The following ERGIC1 variants were observed in gnomAD, a reference collection of about 807,000 sequenced individuals.
The protein encoded by ERGIC1 is endoplasmic reticulum-golgi intermediate compartment 1.
ERGIC1 carries 19 observed loss-of-function variants against 38.3 expected under a neutral mutation model. The ratio of observed to expected loss-of-function variants is 0.50; its 90% CI spans 0.35 to 0.73. The LOEUF is 0.73. Among genes scored for constraint, ERGIC1 ranks in the 30% least tolerant of loss-of-function variants. ERGIC1 has a pLI of 0.01. For missense variants in ERGIC1, 294 were observed against 389.2 expected (o/e 0.76, Z 2.06); for synonymous variants, 124 against 157.6 (o/e 0.79, Z 1.60).
intron 1 of ERGIC1, among the ~76,000 whole-genome samples, chr5:172,875,023 A>G (rs1359957048): frequency 6.6e-6 from 1 of 152,162 alleles, no homozygotes; most frequent in East Asian, 1.9e-4. Context: ...AGCAAGCCAT[A>G]CAGAGATGCA....
intron 6 of ERGIC1, among the ~76,000 whole-genome samples, chr5:172,924,499 T>C (rs1035594347): frequency 6.6e-6 from 1 of 151,976 alleles, no homozygotes; most frequent in East Asian, 1.9e-4. Context: ...AGGTGGGGTG[T>C]GTGGGGTGCG....
chr5:172,879,657 C>T (rs557554030), intron 1 of ERGIC1, among the ~76,000 whole-genome samples: 1 of 152,328 alleles, frequency 6.6e-6, no homozygotes, highest in East Asian at 1.9e-4. Context: ...TCTTGGTCTC[C>T]ATGGAGGCCA....
chr5:172,942,992 G>A (rs534354011), intron 9 of ERGIC1, among the ~76,000 whole-genome samples: 5 of 152,306 alleles, frequency 3.3e-5, no homozygotes, highest in Admixed American at 3.3e-4. Context: ...GGGAATGAGG[G>A]CAGGTGGGCT....
At position 172,903,247 on chromosome 5, in the gene ERGIC1, C is replaced by T. The variant is rs576966981; in HGVS notation, c.155+6173C>T. ...GGAGCCCTCGTCCTGGGGGTGTTGA[C>T]GGGAGTGGGAGAGGCTTGTGGGACA... On this transcript the variant is annotated intron_variant, in intron 3 of 9. Transcript: ENST00000393784. Among the ~76,000 whole-genome samples the T allele has an allele frequency of 4.6e-5, 7 of 152,240 alleles. No individual in the cohort carries two copies. In the South Asian group the frequency reaches 6.2e-4, roughly 14 times the overall value.
chr5:172,919,157 A>G (rs937178785), intron 5 of ERGIC1, among the ~76,000 whole-genome samples: 6 of 152,104 alleles, frequency 3.9e-5, no homozygotes, highest in Admixed American at 1.3e-4. Flanking sequence ...GGTAAACAGG[A>G]AATATGTGAT....
chr5:172,873,183 A>G (rs949995227), intron 1 of ERGIC1, among the ~76,000 whole-genome samples: 18 of 152,294 alleles, frequency 1.2e-4, no homozygotes, highest in African/African-American at 3.8e-4. Flanking sequence ...CTAAGAATAC[A>G]TTTCCATTTA....
chr5:172,887,014 G>A (rs75395395), intron 1 of ERGIC1, among the ~76,000 whole-genome samples: 2 of 152,154 alleles, frequency 1.3e-5, no homozygotes, highest in Non-Finnish European at 2.9e-5. Context: ...CTAAGCAGGC[G>A]GCAGAGAAAG....
At position 172,879,519 on chromosome 5, in the gene ERGIC1, T is replaced by A. The variant is rs533071470; in HGVS notation, c.21-9180T>A. Reference sequence around the variant, plus strand: ...GTACTTACCACGCCCTTACAGTAAGTCACAAAGTAAATTCAGACGGACTTC... The same window carrying A: ...GTACTTACCACGCCCTTACAGTAAGACACAAAGTAAATTCAGACGGACTTC... On this transcript the variant is annotated intron_variant, in intron 1 of 9. Transcript: ENST00000393784. Among the ~76,000 whole-genome samples the A allele has an allele frequency of 5.3e-5, 8 of 152,352 alleles. No individual in the cohort carries two copies. The South Asian group carries it at 1.2e-3, about 24-fold the overall frequency.
At chr5:172,841,438 T>C (rs1338031039) in intron 1 of ERGIC1, among the ~76,000 whole-genome samples, 1 of 152,214 alleles carries the variant, frequency 6.6e-6, no homozygotes, top group Non-Finnish European at 1.5e-5. Flanking sequence ...CCTCATGCCC[T>C]TGACAATTAG....
chr5:172,889,988 A>G (rs1762517729), intron 2 of ERGIC1, among the ~76,000 whole-genome samples: 1 of 152,202 alleles, frequency 6.6e-6, no homozygotes. Context: ...GTGGAGTTTA[A>G]TTCCCCTCTC....
At chr5:172,911,882 C>G (rs1250783957) in intron 4 of ERGIC1, among the ~76,000 whole-genome samples, 1 of 152,080 alleles carries the variant, frequency 6.6e-6, no homozygotes. Flanking sequence ...TCCCCTGTCC[C>G]CCTTCTTGTC....
chr5:172,897,877 G>T, intron 3 of ERGIC1: 1 of 413,950 alleles, frequency 2.4e-6, no homozygotes. Flanking sequence ...TCCTGGCAGT[G>T]GCTGACGCAG....
chr5:172,894,201 T>TC (rs1762664229), intron 2 of ERGIC1, among the ~76,000 whole-genome samples: 1 of 135,460 alleles, frequency 7.4e-6, no homozygotes, highest in African/African-American at 2.7e-5. Flanking sequence ...TTTTCTTTTT[T>TC]TTTTTTTTTT....
intron 1 of ERGIC1, among the ~76,000 whole-genome samples, chr5:172,888,086 T>C (rs909791762): frequency 1.3e-5 from 2 of 152,192 alleles, no homozygotes; most frequent in Non-Finnish European, 2.9e-5. Context: ...AGGCCCATGC[T>C]AGGGTTTGGG....
At chr5:172,884,211 C>T (rs1052135413) in intron 1 of ERGIC1, among the ~76,000 whole-genome samples, 2 of 144,434 alleles carry the variant, frequency 1.4e-5, no homozygotes, top group Non-Finnish European at 3.0e-5. Context: ...TTGATGCTCA[C>T]ATTGTCTATT....
At chr5:172,842,028 G>A (rs1326902274) in intron 1 of ERGIC1, among the ~76,000 whole-genome samples, 7 of 152,048 alleles carry the variant, frequency 4.6e-5, no homozygotes, top group African/African-American at 7.2e-5. Flanking sequence ...TTTTTTGTGT[G>A]GTAAGAATAC....
chr5:172,910,323 G>A (rs77740928), intron 4 of ERGIC1, among the ~76,000 whole-genome samples: 18 of 152,158 alleles, frequency 1.2e-4, no homozygotes, highest in East Asian at 1.9e-4. Flanking sequence ...GAAGACCTCC[G>A]GTCAGCCAAG....
intron 1 of ERGIC1, among the ~76,000 whole-genome samples, chr5:172,871,829 G>C (rs917692773): frequency 1.3e-5 from 2 of 152,214 alleles, no homozygotes; most frequent in East Asian, 1.9e-4. Flanking sequence ...GGCCCTGACT[G>C]TGTCTTTCTT....
intron 3 of ERGIC1, among the ~76,000 whole-genome samples, chr5:172,899,080 C>T (rs977177854): frequency 8.5e-5 from 13 of 152,172 alleles, no homozygotes; most frequent in Non-Finnish European, 4.4e-5. Flanking sequence ...GACAGAGGCA[C>T]ACATGTGTCA....
Sources: allele counts gnomAD v4.1 joint callset (sites outside exome capture counted in the v4.1 genomes callset), GRCh38; gene constraint gnomAD v4.1.1; transcripts MANE v1.5; gene names NCBI Gene and HGNC (gene_info 2026-07-23, HGNC 2026-07-21).